The following PTPRS variants were observed in gnomAD, a reference collection of about 807,000 sequenced individuals.
The protein encoded by PTPRS is receptor-type tyrosine-protein phosphatase S.
Under a neutral mutation model 215.3 loss-of-function variants are expected in PTPRS, and 63 were observed. That is an observed-to-expected ratio of 0.29 (90% CI 0.24 to 0.36). The LOEUF is 0.36. PTPRS is among the 10% of genes least tolerant of loss of function. The pLI is 1.00. For synonymous variants in PTPRS, 1,404 were observed against 1,191.4 expected (o/e 1.18, Z -3.68); for missense variants, 2,258 against 2,825.8 (o/e 0.80, Z 4.56).
intron 8 of PTPRS, 27 bp from the exon 9 acceptor site, chr19:5,256,146 C>T: frequency 1.3e-6 from 2 of 1,511,388 alleles, no homozygotes; most frequent in Non-Finnish European, 9.1e-7. Flanking sequence ...GGGTTTGATG[C>T]AGAACACAAT....
At chr19:5,239,201 GAC>G (rs1291267913) in intron 12 of PTPRS, 138 bp from the exon 13 acceptor site, 2 of 647,262 alleles carry the variant, frequency 3.1e-6, no homozygotes, top group African/African-American at 3.8e-5. Context: ...GAGAAATAGA[GAC>G]AGGGGTGCGG....
At chr19:5,213,254 G>A (rs11879693) in intron 30 of PTPRS, among the ~76,000 whole-genome samples, 6,272 of 146,596 alleles carry the variant, frequency 0.043, 446 homozygotes, top group African/African-American at 0.15. Flanking sequence ...GCAGCCAGAG[G>A]GCACCTGAGT....
intron 33 of PTPRS, among the ~76,000 whole-genome samples, chr19:5,211,017 C>A (rs2040825671): frequency 6.6e-6 from 1 of 152,274 alleles, no homozygotes; most frequent in Admixed American, 6.5e-5. Flanking sequence ...AAATTCAAAT[C>A]CCTTGACAAA....
At chr19:5,319,866 C>T (rs972264436) in intron 1 of PTPRS, among the ~76,000 whole-genome samples, 1 of 152,054 alleles carries the variant, frequency 6.6e-6, no homozygotes, top group South Asian at 2.1e-4. Context: ...AAAATGACAA[C>T]CCTCATGCCT....
intron 1 of PTPRS, among the ~76,000 whole-genome samples, chr19:5,320,941 C>T (rs2050009124): frequency 6.6e-6 from 1 of 152,072 alleles, no homozygotes; most frequent in Admixed American, 6.6e-5. Context: ...GTTTTGGCCA[C>T]TAATCAACAC....
At chr19:5,259,788 C>T (rs1326324705) in intron 7 of PTPRS, among the ~76,000 whole-genome samples, 2 of 152,156 alleles carry the variant, frequency 1.3e-5, no homozygotes, top group East Asian at 3.8e-4. Flanking sequence ...TGTGACTATC[C>T]CACAGAAATG....
rs766091586 is a variant in PTPRS at position 5,218,416 on chromosome 19, A to G, written c.4048+4T>C. On this transcript the variant is annotated splice_donor_region_variant and intron_variant, in intron 25 of 37. Coordinates refer to ENST00000262963, the MANE Select transcript of PTPRS (RefSeq NM_002850.4). ...CATCCCTGGTACCAGGGATAAGTAC[A>G]TACCTGGAGTCTGGAAGTTAATGCG... The G allele has an allele frequency of 6.2e-7, 1 of 1,612,592 alleles. No individual in the cohort carries two copies. The highest frequency in any genetic ancestry group is 1.7e-5 in the Admixed American group (1 of 59,752).
In PTPRS at chr19:5,238,950, G is replaced by A. The variant is rs764919515; in HGVS notation, c.1818C>T (p.Thr606=). The A allele has an allele frequency of 1.9e-5, 31 of 1,610,990 alleles. No homozygotes were observed. Among genetic ancestry groups the A allele is most frequent in the Non-Finnish European group, 2.5e-5 (29 of 1,178,834 alleles). The change falls in exon 13 of 38, where the codon ACC becomes ACT. Residue 606 remains threonine, a synonymous_variant. Coordinates refer to ENST00000262963, the MANE Select transcript of PTPRS (RefSeq NM_002850.4). ...GCAGCGTGCGCTGCCGCACCACGGG[G>A]GTGAAGGCGCCCAGGCCCTGCGGCG... ...ARSPQGLGAF[T]PVVRQRTLQS...
In PTPRS at chr19:5,224,802, C is replaced by T. The variant is rs545597578; in HGVS notation, c.2494+925G>A. Among the ~76,000 whole-genome samples the T allele has an allele frequency of 5.3e-4, 81 of 152,170 alleles. 1 individual carries two copies. The highest frequency in any genetic ancestry group is 5.7e-4 in the Non-Finnish European group (39 of 68,020). On this transcript the variant is annotated intron_variant, in intron 17 of 37. Coordinates refer to ENST00000262963, the MANE Select transcript of PTPRS (RefSeq NM_002850.4). ...GGCGTTAGAGCTGGATGCTGGAGGA[C>T]GCAGACAAGGTGCGTGAAGGGAATA...
chr19:5,264,975 G>A (rs1324634158), intron 5 of PTPRS, 33 bp downstream of exon 5: 1 of 1,610,788 alleles, frequency 6.2e-7, no homozygotes. Context: ...TGCCCTCCAA[G>A]GCTCCCACGT....
At chr19:5,256,569 C>T (rs986984060) in intron 8 of PTPRS, among the ~76,000 whole-genome samples, 1 of 152,144 alleles carries the variant, frequency 6.6e-6, no homozygotes, top group South Asian at 2.1e-4. Flanking sequence ...CCGCTGTCCA[C>T]ACTCTTTTGA....
At position 5,231,503 on chromosome 19, in the gene PTPRS, G is replaced by A; in HGVS notation, c.1962C>T (p.Tyr654=). ...PETHNGALVG[Y]SVRYRPLGSE... ...AGCCCAGCGGTCGGTAGCGGACGCT[G>A]TAGCCCACCAGGGCCCCGTTGTGCG... The change falls in exon 14 of 38, where the codon TAC becomes TAT. Residue 654 remains tyrosine (Y), a synonymous_variant. Transcript: ENST00000262963. 6.2e-7 allele frequency: 1 copy of A among 1,612,542 alleles called. No individual in the cohort carries two copies. The highest frequency in any genetic ancestry group is 1.1e-5 in the South Asian group (1 of 91,060).
At position 5,245,880 on chromosome 19, in the gene PTPRS, C is replaced by A. The variant is rs1045893958; in HGVS notation, c.884G>T (p.Arg295Leu). Residue 295 changes from arginine (R) to leucine (L), a missense_variant, in exon 10 of 38, where the codon CGG (arginine) becomes CTG (leucine). Physicochemically the swap from Arg to Leu is moderately radical, Grantham distance 102. This residue lies in a region of PTPRS where 508 missense variants were observed against 799.4 expected (regional missense o/e 0.64). Transcript: ENST00000262963. ...LTPEDDMPVG[R>L]NVLELTDVKD... is the part of the protein sequence containing the mutation. ...GACATCTGTGAGTTCCAGCACGTTC[C>A]GACCCACGGGCATGTCATCCTCGGG... The A allele has an allele frequency of 6.2e-7, 1 of 1,614,012 alleles. No homozygotes were observed. The highest frequency in any genetic ancestry group is 1.1e-5 in the South Asian group (1 of 91,052).
At chr19:5,207,897 C>A in intron 37 of PTPRS, 25 bp downstream of exon 37, 1 of 1,610,148 alleles carries the variant, frequency 6.2e-7, no homozygotes, top group Non-Finnish European at 8.5e-7. Context: ...GGCCAGGCTG[C>A]CTCCCCTCCC....
chr19:5,223,364 G>GTTGTATTTT, intron 17 of PTPRS, 67 bp from the exon 18 acceptor site: 1 of 1,384,708 alleles, frequency 7.2e-7, no homozygotes, highest in Non-Finnish European at 9.3e-7. Context: ...ACAAGGTGGG[G>GTTGTATTTT]TTGTATTTTT....
chr19:5,299,076 C>A (rs2049226401), intron 1 of PTPRS, among the ~76,000 whole-genome samples: 1 of 152,212 alleles, frequency 6.6e-6, no homozygotes. Context: ...TGGTCCCCAG[C>A]CTCCCACCCT....
intron 16 of PTPRS, among the ~76,000 whole-genome samples, chr19:5,226,802 A>C (rs1288718999): frequency 1.4e-4 from 21 of 152,180 alleles, no homozygotes; most frequent in Admixed American, 1.4e-3. Context: ...TATTGAAAGC[A>C]AAGGCAATAA....
chr19:5,259,507 T>G (rs1568499610), intron 7 of PTPRS, among the ~76,000 whole-genome samples: 1 of 152,172 alleles, frequency 6.6e-6, no homozygotes, highest in South Asian at 2.1e-4. Context: ...TGATAAAAAC[T>G]TGAGTGCCCA....
At chr19:5,240,131 G>C (rs562221411) in intron 12 of PTPRS, 68 bp downstream of exon 12, 1 of 1,420,478 alleles carries the variant, frequency 7.0e-7, no homozygotes, top group Non-Finnish European at 9.2e-7. Context: ...GAAGAGACAA[G>C]GCGGGCAGCG....
Sources: gnomAD v4.1 joint callset for allele counts (sites outside exome capture counted in the v4.1 genomes callset) on GRCh38, gnomAD v4.1.1 for gene constraint, gnomAD v4.1.1 regional missense constraint, MANE v1.5 for transcripts, NCBI Gene and HGNC (gene_info 2026-07-23, HGNC 2026-07-21) for gene names.